PARD3B: variants seen among roughly 807,000 people sequenced by gnomAD.
PARD3B encodes the protein par-3 family cell polarity regulator beta.
PARD3B carries 103 observed loss-of-function variants against 130.2 expected under a neutral mutation model. The observed-to-expected ratio is 0.79, with a 90% confidence interval of 0.67 to 0.93. PARD3B has a LOEUF of 0.93. PARD3B is among the 40% of genes least tolerant of loss of function. The pLI is 0.00. For missense variants in PARD3B, 1,609 were observed against 1,499.2 expected, an observed-to-expected ratio of 1.07 and a Z score of -1.21; for synonymous variants, 583 against 553.2, an observed-to-expected ratio of 1.05 and a Z score of -0.76.
chr2:205,435,394 T>G (rs1162487037), intron 19 of PARD3B, among the ~76,000 whole-genome samples: 5 of 152,096 alleles, frequency 3.3e-5, no homozygotes, highest in Admixed American at 2.0e-4. Context: ...GCACTTTGTG[T>G]GTTTTTCTTT....
chr2:205,450,630 C>T lies in PARD3B; in HGVS notation c.3044+9958C>T, dbSNP rs758818524. On this transcript the variant is annotated intron_variant, in intron 20 of 22. Coordinates refer to ENST00000406610, the MANE Select transcript of PARD3B (RefSeq NM_001302769.2). ...CTGGGATTACAGGCGCCTGCCACCA[C>T]ATCCGGCTAATTTTTTTGTATTTTT... is the stretch of plus-strand genomic sequence containing the variant. 2.6e-5 allele frequency among the ~76,000 whole-genome samples: 4 copies of T among 152,032 alleles called. No individual in the cohort carries two copies. In the South Asian group the frequency reaches 6.3e-4, roughly 24 times the overall value.
Position 204,593,348 on chromosome 2 carries a change from C to T in PARD3B, c.120+47229C>T, listed in dbSNP as rs112678032. 9.1e-3 allele frequency among the ~76,000 whole-genome samples: 1,392 copies of T among 152,214 alleles called. 20 individuals are homozygous for T. The highest frequency in any genetic ancestry group is 0.032 in the African/African-American group (1,331 of 41,546). On this transcript the variant is annotated intron_variant, in intron 1 of 22. Coordinates refer to ENST00000406610, the MANE Select transcript of PARD3B (RefSeq NM_001302769.2). ...AGTGGTGGGTAGGGGAGGGGGCTTG[C>T]GCATGGAGCAATGGCAGATGAGCTA...
intron 2 of PARD3B, among the ~76,000 whole-genome samples, chr2:204,946,855 A>G (rs1440116543): frequency 3.9e-5 from 6 of 152,156 alleles, no homozygotes; most frequent in Non-Finnish European, 8.8e-5. Context: ...CAACCTGAAG[A>G]CCCAAGAGGA....
intron 1 of PARD3B, among the ~76,000 whole-genome samples, chr2:204,644,312 A>G (rs910371810): frequency 2.0e-5 from 3 of 152,138 alleles, no homozygotes; most frequent in African/African-American, 7.2e-5. Flanking sequence ...AGTGCATGGT[A>G]TACATATCAA....
intron 1 of PARD3B, among the ~76,000 whole-genome samples, chr2:204,647,042 C>A (rs1476257579): frequency 6.6e-6 from 1 of 151,912 alleles, no homozygotes; most frequent in Non-Finnish European, 1.5e-5. Flanking sequence ...GATACAATTT[C>A]TACTGAATGC....
intron 1 of PARD3B, among the ~76,000 whole-genome samples, chr2:204,647,840 G>A (rs116700151): frequency 0.012 from 1,861 of 151,586 alleles, 33 homozygotes; most frequent in African/African-American, 0.043. Flanking sequence ...TAACAGAAAG[G>A]CAGAACATCT....
chr2:205,412,914 A>G (rs1277682523), intron 19 of PARD3B, among the ~76,000 whole-genome samples: 1 of 152,198 alleles, frequency 6.6e-6, no homozygotes, highest in Non-Finnish European at 1.5e-5. Context: ...TTCTTTACCT[A>G]CAAAATGGGT....
chr2:205,514,367 A>G (rs2050706059), intron 21 of PARD3B, among the ~76,000 whole-genome samples: 1 of 152,150 alleles, frequency 6.6e-6, no homozygotes, highest in African/African-American at 2.4e-5. Flanking sequence ...AAGTCTTCCT[A>G]TGAGTTATGA....
At chr2:205,001,364 G>T (rs1694815862) in intron 3 of PARD3B, among the ~76,000 whole-genome samples, 1 of 152,148 alleles carries the variant, frequency 6.6e-6, no homozygotes, top group Non-Finnish European at 1.5e-5. Flanking sequence ...TCTTTCTTTG[G>T]TTCTTTTATT....
chr2:205,032,325 G>A (rs1217352501), intron 3 of PARD3B, among the ~76,000 whole-genome samples: 1 of 152,046 alleles, frequency 6.6e-6, no homozygotes, highest in Admixed American at 6.6e-5. Flanking sequence ...CTTTCACATG[G>A]ATTAGATTTC....
chr2:205,220,020 G>A (rs1035812325), intron 15 of PARD3B, among the ~76,000 whole-genome samples: 1 of 152,158 alleles, frequency 6.6e-6, no homozygotes, highest in Non-Finnish European at 1.5e-5. Context: ...AGGGAGAACT[G>A]TTGAGCCGCA....
chr2:205,438,893 G>T (rs760408669), intron 19 of PARD3B, among the ~76,000 whole-genome samples: 10 of 152,154 alleles, frequency 6.6e-5, no homozygotes, highest in Non-Finnish European at 1.2e-4. Context: ...TGTAACTTGA[G>T]GATAGGTGCT....
At position 204,606,350 on chromosome 2, in the gene PARD3B, T is replaced by C. The variant is rs2033723546; in HGVS notation, c.120+60231T>C. Reference sequence around the variant, plus strand: ...TAAGAGGACTACTTTTTTAGTACTTTAGTTTCTCAGTCATGCTTTTGTCCA... The same window carrying C: ...TAAGAGGACTACTTTTTTAGTACTTCAGTTTCTCAGTCATGCTTTTGTCCA... On this transcript the variant is annotated intron_variant, in intron 1 of 22. Transcript: ENST00000406610. The surrounding 1 kb of genome is among the most constrained non-coding windows in gnomAD (Gnocchi z 4.0). Among the ~76,000 whole-genome samples, 3 of 152,176 alleles carry C rather than the reference T, an allele frequency of 2.0e-5. No homozygotes were observed. Among genetic ancestry groups the C allele is most frequent in the South Asian group, 4.1e-4 (2 of 4,822 alleles).
chr2:205,320,858 T>A (rs2042729103), intron 18 of PARD3B, among the ~76,000 whole-genome samples: 1 of 152,336 alleles, frequency 6.6e-6, no homozygotes, highest in Admixed American at 6.5e-5. Flanking sequence ...TGTTCCTTTA[T>A]TTTGCTGATA....
intron 10 of PARD3B, among the ~76,000 whole-genome samples, chr2:205,137,962 G>A (rs779953156): frequency 2.6e-5 from 4 of 152,208 alleles, no homozygotes; most frequent in Non-Finnish European, 5.9e-5. Context: ...AGGGATGGAG[G>A]AATAGATTCC....
At chr2:204,841,004 T>C (rs1259432291) in intron 2 of PARD3B, among the ~76,000 whole-genome samples, 2 of 152,188 alleles carry the variant, frequency 1.3e-5, no homozygotes, top group South Asian at 4.1e-4. Flanking sequence ...GGAAGACTAC[T>C]GTACATAATT....
chr2:205,612,388 C>G (rs2055264894), intron 22 of PARD3B, among the ~76,000 whole-genome samples: 1 of 152,172 alleles, frequency 6.6e-6, no homozygotes, highest in Non-Finnish European at 1.5e-5. Flanking sequence ...GTGATCCACC[C>G]ACCTTGGCCT....
intron 18 of PARD3B, among the ~76,000 whole-genome samples, chr2:205,356,255 T>C (rs1263765910): frequency 3.9e-5 from 6 of 152,192 alleles, no homozygotes; most frequent in African/African-American, 1.4e-4. Flanking sequence ...TTGAAGAAAA[T>C]TGAAAAGCTG....
intron 22 of PARD3B, among the ~76,000 whole-genome samples, chr2:205,582,505 T>G (rs1575418340): frequency 6.6e-6 from 1 of 152,154 alleles, no homozygotes; most frequent in Admixed American, 6.5e-5. Flanking sequence ...GAAGCTGTGT[T>G]TGAGGTTCTC....
Sources: allele counts gnomAD v4.1 joint callset (sites outside exome capture counted in the v4.1 genomes callset), GRCh38; gene constraint gnomAD v4.1.1; non-coding constraint Gnocchi (gnomAD v3.1); transcripts MANE v1.5; gene names NCBI Gene and HGNC (gene_info 2026-07-23, HGNC 2026-07-21).